POLR1E: variants seen among roughly 807,000 people sequenced by gnomAD.
POLR1E encodes RNA polymerase I subunit E.
POLR1E carries 37 observed loss-of-function variants against 50.9 expected under a neutral mutation model. The observed-to-expected ratio is 0.73, with a 90% CI of 0.56 to 0.96. POLR1E has a LOEUF of 0.96. Among genes scored for constraint, POLR1E ranks in the 40% least tolerant of loss-of-function variants. The pLI is 0.00. For synonymous variants in POLR1E, 166 were observed against 191.6 expected, an observed-to-expected ratio of 0.87 and a Z score of 1.10; for missense variants, 426 against 518.1, an observed-to-expected ratio of 0.82 and a Z score of 1.73.
Position 37,487,925 on chromosome 9 carries a change from C to G in POLR1E, c.243C>G (p.Cys81Trp), listed in dbSNP as rs374261848. 15 of 1,613,984 alleles carry G rather than the reference C, an allele frequency of 9.3e-6. No individual in the cohort carries two copies. Among genetic ancestry groups the G allele is most frequent in the Non-Finnish European group, 1.3e-5 (15 of 1,179,996 alleles). The change falls in exon 3 of 12, where the codon TGC becomes TGG. Residue 81 changes from cysteine (C) to tryptophan (W), a missense_variant. Coordinates refer to ENST00000377798, the MANE Select transcript of POLR1E (RefSeq NM_022490.4). ...ATTTTGGGACTGGAGCCCTCAAATG[C>G]AACACTTTGTGCAGGTAATGGCAGG... ...GNNFGTGALK[C>W]NTLCRHFVGI... is the part of the protein sequence containing the mutation.
At chr9:37,487,729 T>C (rs1339011429) in intron 2 of POLR1E, 134 bp from the exon 3 acceptor site, 2 of 824,068 alleles carry the variant, frequency 2.4e-6, no homozygotes, top group Non-Finnish European at 4.0e-6. Flanking sequence ...GGCTGGATCA[T>C]CTGCCAGAGA....
intron 9 of POLR1E, among the ~76,000 whole-genome samples, chr9:37,498,576 C>G (rs1327097801): frequency 6.6e-6 from 1 of 152,146 alleles, no homozygotes; most frequent in Admixed American, 6.5e-5. Flanking sequence ...ACATCAGCCA[C>G]GTGTGTGCGT....
chr9:37,503,511 A>G lies in POLR1E; in HGVS notation c.*309A>G, dbSNP rs1820932888. The G allele has an allele frequency of 4.8e-6, 1 of 208,880 alleles. No individual in the cohort carries two copies. Among genetic ancestry groups the G allele is most frequent in the East Asian group, 1.1e-4 (1 of 9,396 alleles). 12.9% of individuals were successfully genotyped at this position (208,880 alleles called of 1,614,324 possible). On this transcript the variant is annotated 3_prime_UTR_variant, in exon 12 of 12. Coordinates refer to ENST00000377798, the MANE Select transcript of POLR1E (RefSeq NM_022490.4). ...GACGATTACTTGAGCTTGGGAAATC[A>G]AGGTTGCAGTGAGCTATGATTGTGT...
Position 37,501,770 on chromosome 9 carries a change from A to G in POLR1E, c.1026A>G (p.Ile342Met), listed in dbSNP as rs1362645862. The G allele has an allele frequency of 2.5e-6, 4 of 1,613,938 alleles. No individual in the cohort carries two copies. The African/African-American group carries it at 5.3e-5, about 22-fold the overall frequency. The change falls in exon 11 of 12, where the codon ATA (isoleucine) becomes ATG (methionine). Residue 342 changes from isoleucine (I) to methionine (M), a missense_variant. Coordinates refer to ENST00000377798, the MANE Select transcript of POLR1E (RefSeq NM_022490.4). The stretch of plus-strand genomic sequence containing the variant: ...CGAAGATTACTGCATATGTGATCAT[A>G]CTTGCCTTGCACATACATGACTTCC... ...MKAKITAYVI[I>M]LALHIHDFQI...
At position 37,486,683 on chromosome 9, in the gene POLR1E, C is replaced by T; in HGVS notation, c.77-20C>T. 1.2e-6 allele frequency: 2 copies of T among 1,614,244 alleles called. No homozygotes were observed. The highest frequency in any genetic ancestry group is 1.7e-6 in the Non-Finnish European group (2 of 1,180,050). On this transcript the variant is annotated intron_variant, in intron 1 of 11. Transcript: ENST00000377798. ...TGTGGCCTTCTGCTCTCATCTCATT[C>T]TTGGGCTGCACTCTTACAGTCCAGT...
At chr9:37,501,905 A>G in intron 11 of POLR1E, 61 bp downstream of exon 11, 1 of 1,540,338 alleles carries the variant, frequency 6.5e-7, no homozygotes, top group Non-Finnish European at 8.8e-7. Context: ...TTCTGGTACC[A>G]CTGGAAAGCA....
At chr9:37,491,777 A>G (rs892455504) in intron 4 of POLR1E, among the ~76,000 whole-genome samples, 1 of 152,124 alleles carries the variant, frequency 6.6e-6, no homozygotes, top group South Asian at 2.1e-4. Context: ...TTTTACACGT[A>G]ATTTTAAAGG....
chr9:37,493,542 G>T lies in POLR1E; in HGVS notation c.403-17G>T. On this transcript the variant is annotated splice_polypyrimidine_tract_variant and intron_variant, in intron 5 of 11. Coordinates refer to ENST00000377798, the MANE Select transcript of POLR1E (RefSeq NM_022490.4). ...TACCTGTCCTGTCCCCAGTAACCAG[G>T]TTTATCTCATAAACAGATGGATTCT... 1.3e-6 allele frequency: 2 copies of T among 1,575,848 alleles called. No homozygotes were observed. Among genetic ancestry groups the T allele is most frequent in the Non-Finnish European group, 1.7e-6 (2 of 1,157,532 alleles).
At chr9:37,499,726 T>A (rs1469326322) in intron 9 of POLR1E, among the ~76,000 whole-genome samples, 1 of 149,882 alleles carries the variant, frequency 6.7e-6, no homozygotes, top group African/African-American at 2.5e-5. Flanking sequence ...ACGGGGTTTT[T>A]CCATGTTGGC....
chr9:37,498,091 C>T lies in POLR1E; in HGVS notation c.753C>T (p.Ser251=), dbSNP rs1273166366. The T allele has an allele frequency of 6.2e-7, 1 of 1,613,452 alleles. No individual in the cohort carries two copies. Among genetic ancestry groups the T allele is most frequent in the South Asian group, 1.1e-5 (1 of 90,942 alleles). ...EEILKMIEEN[S]HCTFVIEALK... is the part of the protein sequence containing the mutation. ...CCTCCTTTTCTTTTCCTTGTTTTAGCCATTGCACCTTTGTCATAGAAGCGT... is the reference window on the plus strand; with the variant it reads ...CCTCCTTTTCTTTTCCTTGTTTTAGTCATTGCACCTTTGTCATAGAAGCGT... The change falls in exon 9 of 12, where the codon AGC becomes AGT. Residue 251 remains serine, a splice_region_variant and synonymous_variant. Coordinates refer to ENST00000377798, the MANE Select transcript of POLR1E (RefSeq NM_022490.4).
Position 37,496,608 on chromosome 9 carries a change from T to A in POLR1E, c.752+622T>A, listed in dbSNP as rs545895110. Among the ~76,000 whole-genome samples the A allele has an allele frequency of 3.5e-3, 300 of 84,846 alleles. 2 individuals carry two copies. The highest frequency in any genetic ancestry group is 0.014 in the African/African-American group (284 of 19,970). The allele number at this position is 84,846 out of a possible 152,430, so 55.7% of individuals were successfully genotyped here. ...GTCATTGAAATCCAGTGCCTTGGAA[T>A]TATTATTATTATTTCTTTTTTTTTT... On this transcript the variant is annotated intron_variant, in intron 8 of 11. Transcript: ENST00000377798.
Position 37,493,633 on chromosome 9 carries a change from T to A in POLR1E, c.477T>A (p.Val159=), listed in dbSNP as rs578147451. 114 of 1,610,466 alleles carry A rather than the reference T, an allele frequency of 7.1e-5. 2 individuals are homozygous for A. In the South Asian group the frequency reaches 1.1e-3, roughly 16 times the overall value. ...RALNTRRMNR[V]GNESLNRAVA... Reference sequence around the variant, plus strand: ...TGAACACCAGGAGAATGAACAGAGTTGGCAATGAATCTTTGAATCGTGCAG... The same window carrying A: ...TGAACACCAGGAGAATGAACAGAGTAGGCAATGAATCTTTGAATCGTGCAG... The change falls in exon 6 of 12, where the codon GTT becomes GTA. Residue 159 remains valine (V), a synonymous_variant. Coordinates refer to ENST00000377798, the MANE Select transcript of POLR1E (RefSeq NM_022490.4).
chr9:37,486,181 A>G lies in POLR1E; in HGVS notation c.76+58A>G, dbSNP rs111245046. 1,761 of 1,510,320 alleles carry G rather than the reference A, an allele frequency of 1.2e-3. 23 individuals carry two copies. In the African/African-American group the frequency reaches 0.022, roughly 19 times the overall value. 93.6% of individuals were successfully genotyped at this position (1,510,320 alleles called of 1,614,324 possible). A position where few individuals can be genotyped will look rare whatever the true frequency, so the allele number is the denominator to read the frequency against. On this transcript the variant is annotated intron_variant, in intron 1 of 11. Coordinates refer to ENST00000377798, the MANE Select transcript of POLR1E (RefSeq NM_022490.4). ...TAACCCTCTCCCCTTCCGTCTCGGT[A>G]CCTCAGCTGTCCTCTCGCCCTCCGT...
rs1207006336 is a variant in POLR1E at position 37,503,078 on chromosome 9, T to G, written c.1136T>G (p.Ile379Ser). The change falls in exon 12 of 12, where the codon ATC becomes AGC. Residue 379 changes from isoleucine to serine, a missense_variant. Coordinates refer to ENST00000377798, the MANE Select transcript of POLR1E (RefSeq NM_022490.4). Reference protein sequence around the residue: ...MEIAKAMRLKISKRRVSVAAG... With the variant: ...MEIAKAMRLKSSKRRVSVAAG... ...ATAGCCAAAGCCATGAGGCTGAAGATCTCCAAAAGAAGGGTGTCTGTGGCC... is the reference window on the plus strand; with the variant it reads ...ATAGCCAAAGCCATGAGGCTGAAGAGCTCCAAAAGAAGGGTGTCTGTGGCC... 4.3e-6 allele frequency: 7 copies of G among 1,613,744 alleles called. No homozygotes were observed. The highest frequency in any genetic ancestry group is 5.9e-6 in the Non-Finnish European group (7 of 1,179,950).
intron 8 of POLR1E, among the ~76,000 whole-genome samples, chr9:37,497,835 T>G (rs1820810982): frequency 6.6e-6 from 1 of 152,066 alleles, no homozygotes; most frequent in African/African-American, 2.4e-5. Context: ...CGCAGACAGC[T>G]CACTGGAGCC....
chr9:37,490,231 G>C (rs1275084059), intron 4 of POLR1E, among the ~76,000 whole-genome samples: 2 of 152,146 alleles, frequency 1.3e-5, no homozygotes, highest in East Asian at 3.9e-4. Context: ...GGAGTTTGTT[G>C]CACAATAAGC....
chr9:37,490,659 C>T (rs552624093), intron 4 of POLR1E: 239 of 719,388 alleles, frequency 3.3e-4, no homozygotes, highest in African/African-American at 3.0e-3. Flanking sequence ...AAGAATCTTG[C>T]CCTTGTTTGT....
intron 4 of POLR1E, chr9:37,490,668 G>T: frequency 1.4e-6 from 1 of 707,832 alleles, no homozygotes; most frequent in South Asian, 1.4e-5. Flanking sequence ...GCCCTTGTTT[G>T]TTTACAACAA....
chr9:37,493,871 T>A (rs149200532), intron 6 of POLR1E, among the ~76,000 whole-genome samples, 168 bp downstream of exon 6: 72 of 152,260 alleles, frequency 4.7e-4, no homozygotes, highest in African/African-American at 1.7e-3. Flanking sequence ...GTAAGAAACA[T>A]CCGACATGGC....
Sources: allele counts gnomAD v4.1 joint callset (sites outside exome capture counted in the v4.1 genomes callset), GRCh38; gene constraint gnomAD v4.1.1; transcripts MANE v1.5; gene names NCBI Gene and HGNC (gene_info 2026-07-23, HGNC 2026-07-21).